SLC47A1: variants seen among roughly 807,000 people sequenced by gnomAD.
SLC47A1 encodes the protein multidrug and toxin extrusion protein 1.
In SLC47A1, 58 loss-of-function variants were observed where a neutral mutation model predicts 65.8. The observed-to-expected ratio is 0.88, with a 90% CI of 0.71 to 1.10. SLC47A1 has a LOEUF of 1.10. SLC47A1 is among the 50% of genes least tolerant of loss of function. The pLI, the probability that SLC47A1 is intolerant of heterozygous loss-of-function variation, is 0.00. For synonymous variants in SLC47A1, 285 were observed against 295.0 expected, an observed-to-expected ratio of 0.97 and a Z score of 0.35; for missense variants, 706 against 719.2, an observed-to-expected ratio of 0.98 and a Z score of 0.21.
In SLC47A1 at chr17:19,566,645, A is replaced by G. The variant is rs916334131; in HGVS notation, c.1107-145A>G. 1.8e-5 allele frequency: 12 copies of G among 656,260 alleles called. No homozygotes were observed. The Admixed American group carries it at 2.9e-4, about 16-fold the overall frequency. The allele number at this position is 656,260 out of a possible 1,614,324, so 40.7% of individuals were successfully genotyped here. Reference sequence around the variant, plus strand: ...TCACCATGTTGGCCAGGCTGGTCTCAAACTCCTGACCTCAGGTGATCCTCC... The same window carrying G: ...TCACCATGTTGGCCAGGCTGGTCTCGAACTCCTGACCTCAGGTGATCCTCC... On this transcript the variant is annotated intron_variant, in intron 12 of 16. Transcript: ENST00000270570.
intron 14 of SLC47A1, among the ~76,000 whole-genome samples, chr17:19,569,873 C>G (rs1597511753): frequency 6.6e-6 from 1 of 152,174 alleles, no homozygotes; most frequent in East Asian, 1.9e-4. Flanking sequence ...ACTGAGAACA[C>G]TGGATTTGAA....
intron 6 of SLC47A1, 97 bp downstream of exon 6, chr17:19,551,565 G>A: frequency 9.2e-7 from 1 of 1,085,664 alleles, no homozygotes. Context: ...AGGGACCCCA[G>A]GGTGGAGGGA....
intron 3 of SLC47A1, among the ~76,000 whole-genome samples, 160 bp downstream of exon 3, chr17:19,546,663 T>C (rs778169530): frequency 2.0e-5 from 3 of 152,180 alleles, no homozygotes; most frequent in Admixed American, 6.5e-5. Flanking sequence ...GAAATGTCAC[T>C]AGGTTTCTTT....
intron 1 of SLC47A1, among the ~76,000 whole-genome samples, chr17:19,540,876 A>ACACACACC (rs774836898): frequency 9.1e-4 from 136 of 149,874 alleles, no homozygotes; most frequent in African/African-American, 3.2e-3. Flanking sequence ...ACACACACAC[A>ACACACACC]CCCCTAGGGT....
rs142619702 is a variant in SLC47A1, at chr17:19,538,759, T to A, written c.136-3634T>A. On this transcript the variant is annotated intron_variant, in intron 1 of 16. Transcript: ENST00000270570. ...CAGCTTCTTTCCAGTGAGTGAACTT[T>A]CAGCAATCATGGGAGGGGGTAGGAG... Among the ~76,000 whole-genome samples, 312 of 152,306 alleles carry A rather than the reference T, an allele frequency of 2.0e-3. 2 individuals are homozygous for A. The highest frequency in any genetic ancestry group is 5.0e-3 in the African/African-American group (206 of 41,568).
intron 4 of SLC47A1, among the ~76,000 whole-genome samples, chr17:19,548,464 A>G (rs988532363): frequency 2.7e-5 from 4 of 149,456 alleles, no homozygotes; most frequent in African/African-American, 9.9e-5. Flanking sequence ...TTTCAAACCC[A>G]CCTGTGCCCC....
In SLC47A1 at chr17:19,577,480, G is replaced by A. The variant is rs1167437513; in HGVS notation, c.1640G>A (p.Gly547Glu). The A allele has an allele frequency of 2.5e-6, 4 of 1,614,010 alleles. No homozygotes were observed. Residue 547 changes from glycine (G) to glutamate (E), a missense_variant, in exon 17 of 17, where the codon GGG (glycine) becomes GAG (glutamate). Gly to Glu is a moderately conservative substitution (Grantham distance 98). Coordinates refer to ENST00000270570, the MANE Select transcript of SLC47A1 (RefSeq NM_018242.3). ...AGGAAACAGCTGGTGCTGCGGCGAG[G>A]GCTTCTGCTCCTGGGGGTCTTCTTA... Reference protein sequence around the residue: ...LSRKQLVLRRGLLLLGVFLIL... With the variant: ...LSRKQLVLRRELLLLGVFLIL...
At chr17:19,541,410 G>T (rs908522936) in intron 1 of SLC47A1, among the ~76,000 whole-genome samples, 1 of 152,186 alleles carries the variant, frequency 6.6e-6, no homozygotes, top group East Asian at 1.9e-4. Flanking sequence ...TAGTGGGTGG[G>T]GGGCAGGAGG....
Position 19,567,825 on chromosome 17 carries a change from C to G in SLC47A1, c.1309+597C>G, listed in dbSNP as rs186993463. 7.3e-4 allele frequency: 113 copies of G among 154,204 alleles called. No individual in the cohort carries two copies. In the East Asian group the frequency reaches 0.019, roughly 26 times the overall value. The allele number at this position is 154,204 out of a possible 1,614,324, so 9.6% of individuals were successfully genotyped here. Reference sequence around the variant, plus strand: ...TCATCGCACTCCGCAGCCTCCACCTCCCTCCTTGTGCAGCCTTAGCTCTGT... The same window carrying G: ...TCATCGCACTCCGCAGCCTCCACCTGCCTCCTTGTGCAGCCTTAGCTCTGT... On this transcript the variant is annotated intron_variant, in intron 14 of 16. Coordinates refer to ENST00000270570, the MANE Select transcript of SLC47A1 (RefSeq NM_018242.3).
At chr17:19,544,764 C>T (rs1483459627) in intron 2 of SLC47A1, among the ~76,000 whole-genome samples, 1 of 152,196 alleles carries the variant, frequency 6.6e-6, no homozygotes, top group Non-Finnish European at 1.5e-5. Flanking sequence ...GTCCCTGATA[C>T]CCGAAATTGG....
intron 6 of SLC47A1, among the ~76,000 whole-genome samples, chr17:19,554,638 C>T (rs76981443): frequency 3.9e-5 from 6 of 152,104 alleles, no homozygotes; most frequent in Non-Finnish European, 8.8e-5. Flanking sequence ...TATCCGGATG[C>T]GGGGCAGGAC....
chr17:19,554,423 A>G (rs1916545997), intron 6 of SLC47A1, among the ~76,000 whole-genome samples: 1 of 152,156 alleles, frequency 6.6e-6, no homozygotes, highest in African/African-American at 2.4e-5. Context: ...TCCACGCGAG[A>G]GTGGGGTGTT....
intron 12 of SLC47A1, 93 bp downstream of exon 12, chr17:19,560,586 C>G: frequency 7.9e-7 from 1 of 1,264,684 alleles, no homozygotes; most frequent in Non-Finnish European, 1.2e-6. Flanking sequence ...TGTTCAGAAA[C>G]ATTGCTGTTT....
chr17:19,551,749 C>T (rs1287993611), intron 6 of SLC47A1, among the ~76,000 whole-genome samples: 15 of 152,228 alleles, frequency 9.9e-5, no homozygotes, highest in African/African-American at 2.4e-5. Flanking sequence ...GGCTCAGAGC[C>T]GCAGTGTTCC....
chr17:19,570,695 A>T (rs1454243525), intron 14 of SLC47A1: 1 of 152,192 alleles, frequency 6.6e-6, no homozygotes, highest in Non-Finnish European at 1.5e-5. Flanking sequence ...TCCTGGGTTT[A>T]TTGTAGATGG....
At chr17:19,549,098 G>A (rs1916372704) in intron 4 of SLC47A1, among the ~76,000 whole-genome samples, 1 of 152,068 alleles carries the variant, frequency 6.6e-6, no homozygotes, top group Admixed American at 6.6e-5. Flanking sequence ...TGCTGAGGTT[G>A]AAAAACCCTG....
intron 1 of SLC47A1, among the ~76,000 whole-genome samples, chr17:19,536,444 T>C (rs756261879): frequency 1.3e-5 from 2 of 152,064 alleles, no homozygotes; most frequent in Non-Finnish European, 2.9e-5. Flanking sequence ...ATTACAAATG[T>C]CATGCATATT....
intron 4 of SLC47A1, among the ~76,000 whole-genome samples, chr17:19,548,825 A>G (rs1472549213): frequency 2.6e-4 from 39 of 152,150 alleles, no homozygotes. Flanking sequence ...AGGCCTGGGT[A>G]TCGGTATCTT....
intron 10 of SLC47A1, among the ~76,000 whole-genome samples, chr17:19,559,862 A>AC (rs565490014): frequency 9.7e-4 from 148 of 152,118 alleles, no homozygotes; most frequent in African/African-American, 2.9e-3. Context: ...AAAAACAAAA[A>AC]AAAAACAGAC....
Sources: gnomAD v4.1 joint callset for allele counts (sites outside exome capture counted in the v4.1 genomes callset) on GRCh38, gnomAD v4.1.1 for gene constraint, MANE v1.5 for transcripts, NCBI Gene and HGNC (gene_info 2026-07-23, HGNC 2026-07-21) for gene names.